Variants in PRRT4 observed in about 807,000 individuals in gnomAD.
PRRT4 encodes the protein proline rich transmembrane protein 4.
In PRRT4, 59 loss-of-function variants were observed where a neutral mutation model predicts 55.6. That is an observed-to-expected ratio of 1.06 (90% CI 0.86 to 1.32). The LOEUF (loss-of-function observed/expected upper bound fraction) is 1.32, where lower values mean the gene tolerates loss of function less well. Among genes scored for constraint, PRRT4 ranks in the 40% most tolerant of loss-of-function variants. The pLI is 0.00. For synonymous variants in PRRT4, 606 were observed against 601.8 expected (o/e 1.01, Z -0.10); for missense variants, 1,217 against 1,222.0 (o/e 1.00, Z 0.06).
chr7:128,350,879 C>A, exon 5 of PRRT4: 5 of 1,551,162 alleles, frequency 3.2e-6, no homozygotes, highest in Non-Finnish European at 4.4e-6. Context: ...GTGTCGCTGC[C>A]CACGCTCAGC....
chr7:128,359,183 G>A (rs369607839), exon 3 of PRRT4: 1 of 1,551,670 alleles, frequency 6.4e-7, no homozygotes, highest in Non-Finnish European at 8.7e-7. Flanking sequence ...CAGAGCTTGT[G>A]GATGTAGTTT....
chr7:128,351,563 T>C (rs1228934648), exon 5 of PRRT4: 1 of 1,490,172 alleles, frequency 6.7e-7, no homozygotes, highest in Non-Finnish European at 8.9e-7. Context: ...GCGATGGCGC[T>C]CCCCAGGGGC....
At chr7:128,350,719 A>G, downstream of PRRT4, 3 of 1,390,728 alleles carry the variant, frequency 2.2e-6, no homozygotes, top group East Asian at 2.5e-5. Context: ...CCACCCACCC[A>G]GGGACCCCTG....
Position 128,358,599 on chromosome 7 carries a change from G to A in PRRT4, c.877+82C>T. 1 of 1,186,094 alleles carries A rather than the reference G, an allele frequency of 8.4e-7. No homozygotes were observed. The highest frequency in any genetic ancestry group is 1.3e-5 in the South Asian group (1 of 75,268). 73.5% of individuals were successfully genotyped at this position (1,186,094 alleles called of 1,614,324 possible). A position where few individuals can be genotyped will look rare whatever the true frequency, so the allele number is the denominator to read the frequency against. ...GATTATGATGACAATGAAATAAAAG[G>A]GTCCCAGAACACTGATGAGTGACTA... On this transcript the variant is annotated intron_variant, in intron 4 of 4. Transcript: ENST00000535159. The surrounding 1 kb of genome is among the most constrained non-coding windows in gnomAD (Gnocchi z 4.4).
chr7:128,360,220 G>A (rs1181145717), intron 1 of PRRT4, among the ~76,000 whole-genome samples, 157 bp from the exon 3 acceptor site: 1 of 152,178 alleles, frequency 6.6e-6, no homozygotes, highest in Non-Finnish European at 1.5e-5. Context: ...TTCTTGCCGG[G>A]CCCTTCCTGT....
chr7:128,358,714 G>C lies in PRRT4; in HGVS notation c.844C>G (p.Leu282Val). 1 of 1,551,730 alleles carries C rather than the reference G, an allele frequency of 6.4e-7. No individual in the cohort carries two copies. The highest frequency in any genetic ancestry group is 8.7e-7 in the Non-Finnish European group (1 of 1,147,004). Reference sequence around the variant, plus strand: ...GTTGTTGCAATCGAGGCAAAACTTAGGGAAGCAGCTGGGTCCAGAGGACTT... The same window carrying C: ...GTTGTTGCAATCGAGGCAAAACTTACGGAAGCAGCTGGGTCCAGAGGACTT... Residue 282 changes from leucine to valine, a missense_variant, in exon 4 of 5, where the codon CTA becomes GTA. By Grantham distance (32) the Leu-to-Val change is conservative. Transcript: ENST00000535159. The surrounding 1 kb of genome is among the most constrained non-coding windows in gnomAD (Gnocchi z 4.4).
At chr7:128,354,123 C>G (rs1023619276) in intron 4 of PRRT4, among the ~76,000 whole-genome samples, 19 of 152,258 alleles carry the variant, frequency 1.2e-4, no homozygotes, top group African/African-American at 3.4e-4. Context: ...GGACCAAAGA[C>G]AGATATGGAA....
chr7:128,351,027 G>T, exon 5 of PRRT4: 1 of 1,549,690 alleles, frequency 6.5e-7, no homozygotes. Context: ...GGAGGCTGGG[G>T]CTGCTTCCTG....
At chr7:128,355,608 A>G (rs1797096674) in intron 4 of PRRT4, among the ~76,000 whole-genome samples, 1 of 152,198 alleles carries the variant, frequency 6.6e-6, no homozygotes, top group Admixed American at 6.5e-5. Context: ...ATCAGGTGGC[A>G]TAGGTCTGGC....
At position 128,359,221 on chromosome 7, in the gene PRRT4, T is replaced by A. The variant is rs1434422237; in HGVS notation, c.685A>T (p.Asn229Tyr). ...CCTGGGGGGCTCAGGCCGGAGAAGT[T>A]CCGGAGTGGGGACAGAGTAGTGCCA... The change falls in exon 3 of 5, where the codon AAC becomes TAC. Residue 229 changes from asparagine (N) to tyrosine (Y), a missense_variant. Asn to Tyr is a moderately radical substitution (Grantham distance 143). Around this residue, in one of 3 missense-constraint regions of PRRT4, gnomAD observed 564 missense variants for 592.9 expected, o/e 0.95. Transcript: ENST00000535159. 33 of 1,551,566 alleles carry A rather than the reference T, an allele frequency of 2.1e-5. No individual in the cohort carries two copies. The highest frequency in any genetic ancestry group is 2.9e-5 in the Non-Finnish European group (33 of 1,146,982).
At chr7:128,359,422 G>A in exon 2 of PRRT4, 1 of 1,465,942 alleles carries the variant, frequency 6.8e-7, no homozygotes, top group Non-Finnish European at 9.0e-7. Context: ...GCCCAAGCGT[G>A]GGGGCTGCAC....
intron 4 of PRRT4, among the ~76,000 whole-genome samples, chr7:128,354,792 A>G (rs1247846133): frequency 6.6e-6 from 1 of 152,200 alleles, no homozygotes; most frequent in African/African-American, 2.4e-5. Context: ...CTCACTGCCA[A>G]CTGCAAGTGG....
chr7:128,359,497 T>G lies in PRRT4; in HGVS notation c.495A>C (p.Pro165=), dbSNP rs939081489. Reference sequence around the variant, plus strand: ...TCTGGTGGGGCCTGGGAGCACTGGATGGAAGTGCTGTCACCATCAGAGCAG... The same window carrying G: ...TCTGGTGGGGCCTGGGAGCACTGGAGGGAAGTGCTGTCACCATCAGAGCAG... Residue 165 remains proline (P), a synonymous_variant, in exon 2 of 5, where the codon CCA becomes CCC. Transcript: ENST00000535159. 4.1e-6 allele frequency: 6 copies of G among 1,465,808 alleles called. No homozygotes were observed. In the African/African-American group the frequency reaches 8.6e-5, roughly 21 times the overall value. 90.8% of individuals were successfully genotyped at this position (1,465,808 alleles called of 1,614,324 possible). A position where few individuals can be genotyped will look rare whatever the true frequency, so the allele number is the denominator to read the frequency against.
downstream of PRRT4, chr7:128,350,646 T>C: frequency 1.4e-6 from 1 of 735,080 alleles, no homozygotes. Context: ...GCTGAGGGCA[T>C]CAGCACCCAG....
rs1353486412 is a variant in PRRT4 at position 128,358,471 on chromosome 7, A to G, written c.877+210T>C. The stretch of plus-strand genomic sequence containing the variant: ...CTCTGCCTCTCATTGCAAAACACTC[A>G]GGGGACCATTACTTAACTCTGTGTG... On this transcript the variant is annotated intron_variant, in intron 4 of 4. Transcript: ENST00000535159. The surrounding 1 kb of genome is among the most constrained non-coding windows in gnomAD (Gnocchi z 4.4). 6.6e-6 allele frequency among the ~76,000 whole-genome samples: 1 copy of G among 152,138 alleles called. No homozygotes were observed. The highest frequency in any genetic ancestry group is 1.5e-5 in the Non-Finnish European group (1 of 68,032).
At chr7:128,353,524 ACAT>A (rs1723351130) in intron 4 of PRRT4, among the ~76,000 whole-genome samples, 1 of 152,070 alleles carries the variant, frequency 6.6e-6, no homozygotes, top group Non-Finnish European at 1.5e-5. Context: ...TCTGAGGAAA[ACAT>A]CATTTCTCCT....
chr7:128,351,892 C>T, exon 5 of PRRT4: 2 of 1,324,708 alleles, frequency 1.5e-6, no homozygotes, highest in Non-Finnish European at 1.9e-6. Flanking sequence ...CGCCGCGCGC[C>T]GCCAGGACTC....
At chr7:128,352,719 C>T in intron 4 of PRRT4, 41 bp from the exon 6 acceptor site, 1 of 1,469,112 alleles carries the variant, frequency 6.8e-7, no homozygotes, top group Non-Finnish European at 9.0e-7. Context: ...ATGATGCAGC[C>T]CTCCCCTTAC....
In PRRT4 at chr7:128,359,328, G is replaced by A; in HGVS notation, c.652+12C>T. The A allele has an allele frequency of 1.3e-6, 2 of 1,497,812 alleles. No individual in the cohort carries two copies. The highest frequency in any genetic ancestry group is 1.8e-6 in the Non-Finnish European group (2 of 1,124,894). The allele number at this position is 1,497,812 out of a possible 1,614,324, so 92.8% of individuals were successfully genotyped here. A position where few individuals can be genotyped will look rare whatever the true frequency, so the allele number is the denominator to read the frequency against. ...CAGCAGGGGCTTTCCTTGGGATGGG[G>A]TGGTTACTCACCAAAGGGTCCCAGG... On this transcript the variant is annotated intron_variant, in intron 2 of 4. Coordinates refer to ENST00000535159, the Ensembl canonical transcript of PRRT4.
Sources: gnomAD v4.1 joint callset for allele counts (sites outside exome capture counted in the v4.1 genomes callset) on GRCh38, gnomAD v4.1.1 for gene constraint, gnomAD v4.1.1 regional missense constraint, Gnocchi (gnomAD v3.1) non-coding constraint, MANE v1.5 for transcripts, NCBI Gene and HGNC (gene_info 2026-07-23, HGNC 2026-07-21) for gene names.